The following MEIS1 variants were observed in gnomAD, a reference collection of about 807,000 sequenced individuals.
MEIS1 encodes homeobox protein Meis1.
In MEIS1, 5 loss-of-function variants were observed where a neutral mutation model predicts 50.8. That is an observed-to-expected ratio of 0.10 (90% CI 0.05 to 0.21). The LOEUF (loss-of-function observed/expected upper bound fraction) is 0.21, where lower values mean the gene tolerates loss of function less well. Among genes scored for constraint, MEIS1 ranks in the 10% least tolerant of loss-of-function variants. The pLI is 1.00. For missense variants in MEIS1, 318 were observed against 517.3 expected (o/e 0.61, Z 3.74); for synonymous variants, 176 against 179.3 (o/e 0.98, Z 0.15).
chr2:66,566,755 G>A (rs890560000), intron 9 of MEIS1, among the ~76,000 whole-genome samples: 2 of 145,540 alleles, frequency 1.4e-5, no homozygotes, highest in Non-Finnish European at 3.0e-5. Context: ...AAAACTATAA[G>A]TTCAATTACT....
At chr2:66,546,075 GA>G (rs1322368848) in intron 8 of MEIS1, among the ~76,000 whole-genome samples, 19 of 152,276 alleles carry the variant, frequency 1.2e-4, no homozygotes, top group African/African-American at 4.6e-4. Flanking sequence ...AGCATTGGTA[GA>G]TGAGTGAGAA....
rs1330638546 is a variant in MEIS1, at chr2:66,532,463, ATTGTGCC to A, written c.889-15477_889-15471del. Among the ~76,000 whole-genome samples the A allele has an allele frequency of 4.0e-4, 61 of 152,214 alleles. 1 individual carries two copies. Among genetic ancestry groups the A allele is most frequent in the African/African-American group, 1.3e-3 (53 of 41,534 alleles). On this transcript the variant is annotated intron_variant, in intron 8 of 12. Coordinates refer to ENST00000272369, the MANE Select transcript of MEIS1 (RefSeq NM_002398.3). ...ACAAGGCCCTCTGACACTCACCCCA[ATTGTGCC>A]TTCTTAAAATAGGGGTAAACACTCT...
At chr2:66,569,919 T>C (rs1484799627) in intron 12 of MEIS1, 1 of 152,498 alleles carries the variant, frequency 6.6e-6, no homozygotes, top group Non-Finnish European at 1.5e-5. Context: ...CTGTCCCAGA[T>C]TCTCACTCTT....
chr2:66,558,048 G>A (rs11679120), intron 9 of MEIS1, among the ~76,000 whole-genome samples: 4,880 of 152,162 alleles, frequency 0.032, 111 homozygotes, highest in Non-Finnish European at 0.045. Context: ...GGGAGGCCGA[G>A]GGAGGCGGAT....
At chr2:66,448,474 C>T (rs545019627) in intron 6 of MEIS1, among the ~76,000 whole-genome samples, 16 of 152,264 alleles carry the variant, frequency 1.1e-4, no homozygotes, top group Admixed American at 4.6e-4. Context: ...ACTAGCTTAC[C>T]TTCCCTAGCG....
intron 7 of MEIS1, among the ~76,000 whole-genome samples, chr2:66,498,018 GA>G (rs139673644): frequency 0.12 from 18,600 of 151,466 alleles, 1,236 homozygotes; most frequent in Middle Eastern, 0.22. Flanking sequence ...GAAAACAATA[GA>G]AAAAAAATGG....
chr2:66,569,642 G>C (rs1675435676), intron 12 of MEIS1: 1 of 152,778 alleles, frequency 6.5e-6, no homozygotes, highest in Admixed American at 6.5e-5. Context: ...TTGAGCTCCA[G>C]TCAACTAAAC....
intron 7 of MEIS1, among the ~76,000 whole-genome samples, chr2:66,473,397 A>AATATATATATATATATATATAT (rs1553373466): frequency 1.4e-4 from 15 of 107,496 alleles, no homozygotes; most frequent in African/African-American, 7.6e-4. Context: ...AAAAAAAAAA[A>AATATATATATATATATATATAT]ATATATATAT....
intron 7 of MEIS1, among the ~76,000 whole-genome samples, chr2:66,477,091 G>A (rs142219488): frequency 2.0e-5 from 3 of 152,272 alleles, no homozygotes; most frequent in Admixed American, 6.5e-5. Context: ...TTGTCATTCT[G>A]GCATTGGTTT....
chr2:66,544,681 A>G (rs893846867), intron 8 of MEIS1, among the ~76,000 whole-genome samples: 58 of 152,154 alleles, frequency 3.8e-4, no homozygotes, highest in African/African-American at 1.3e-3. Context: ...CTTAATGGAG[A>G]CAGAGTGCTG....
intron 7 of MEIS1, among the ~76,000 whole-genome samples, chr2:66,483,669 C>G (rs1324301863): frequency 2.6e-5 from 4 of 152,158 alleles, no homozygotes; most frequent in Non-Finnish European, 5.9e-5. Flanking sequence ...ACCACAAGGC[C>G]TTGGGTCTAC....
At chr2:66,491,743 C>G (rs1673278977) in intron 7 of MEIS1, among the ~76,000 whole-genome samples, 1 of 152,184 alleles carries the variant, frequency 6.6e-6, no homozygotes, top group African/African-American at 2.4e-5. Context: ...ACTGACTTGA[C>G]AGCCATTTAA....
chr2:66,440,671 C>A (rs756461921), intron 4 of MEIS1, 59 bp downstream of exon 4: 3 of 1,207,036 alleles, frequency 2.5e-6, no homozygotes, highest in South Asian at 1.3e-5. Context: ...CCACCTCCAA[C>A]GCCCTCAGCT....
intron 6 of MEIS1, among the ~76,000 whole-genome samples, chr2:66,444,695 C>T (rs1295351308): frequency 1.3e-5 from 2 of 152,166 alleles, no homozygotes; most frequent in Admixed American, 6.5e-5. Context: ...TGGTTCAGCC[C>T]GCCAGCCCTG....
intron 7 of MEIS1, among the ~76,000 whole-genome samples, chr2:66,509,961 G>A (rs1168515261): frequency 1.3e-5 from 2 of 152,138 alleles, no homozygotes; most frequent in African/African-American, 4.8e-5. Flanking sequence ...GGTTTGAGGT[G>A]GATAAAAAGG....
At chr2:66,554,148 G>A (rs1674993497) in intron 9 of MEIS1, among the ~76,000 whole-genome samples, 1 of 152,214 alleles carries the variant, frequency 6.6e-6, no homozygotes, top group African/African-American at 2.4e-5. Flanking sequence ...GAGGCTCAGA[G>A]TTGAGTGAGT....
At chr2:66,557,424 C>T (rs1675093909) in intron 9 of MEIS1, among the ~76,000 whole-genome samples, 1 of 152,166 alleles carries the variant, frequency 6.6e-6, no homozygotes, top group Admixed American at 6.5e-5. Context: ...AGCTATTGCC[C>T]CTCTTTATAC....
At chr2:66,524,698 A>AT (rs66484955) in intron 8 of MEIS1, among the ~76,000 whole-genome samples, 128,334 of 152,076 alleles carry the variant, frequency 0.84, 55,388 homozygotes, top group South Asian at 0.93. Flanking sequence ...AAGCCTTTAA[A>AT]TTTTTTTTCA....
chr2:66,476,246 C>G (rs1232352210), intron 7 of MEIS1, among the ~76,000 whole-genome samples: 1 of 152,120 alleles, frequency 6.6e-6, no homozygotes, highest in African/African-American at 2.4e-5. Context: ...TGACTTCAGC[C>G]TATAAAGCTG....
Sources: allele counts gnomAD v4.1 joint callset (sites outside exome capture counted in the v4.1 genomes callset), GRCh38; gene constraint gnomAD v4.1.1; transcripts MANE v1.5; gene names NCBI Gene and HGNC (gene_info 2026-07-23, HGNC 2026-07-21).